Variants in LAMA2 observed in about 807,000 individuals in gnomAD.
LAMA2 encodes laminin subunit alpha 2.
LAMA2 carries 269 observed loss-of-function variants against 364.8 expected under a neutral mutation model. That is an observed-to-expected ratio of 0.74 (90% confidence interval 0.67 to 0.82). The LOEUF is 0.82. LAMA2 is among the 40% of genes least tolerant of loss of function. LAMA2 has a pLI of 0.00. For missense variants in LAMA2, 3,807 were observed against 3,873.2 expected (o/e 0.98, Z 0.45); for synonymous variants, 1,379 against 1,370.6 (o/e 1.01, Z -0.14).
chr6:128,992,303 T>C (rs76861646), intron 1 of LAMA2, among the ~76,000 whole-genome samples: 2,560 of 152,284 alleles, frequency 0.017, 49 homozygotes, highest in African/African-American at 0.049. Context: ...AAAAACCTTA[T>C]TTCATAGCAG....
intron 29 of LAMA2, among the ~76,000 whole-genome samples, chr6:129,341,005 G>A (rs1208613807): frequency 6.6e-6 from 1 of 152,058 alleles, no homozygotes; most frequent in Non-Finnish European, 1.5e-5. Flanking sequence ...AAAATTCACT[G>A]TGGCAATGTC....
chr6:129,349,456 A>G lies in LAMA2; in HGVS notation c.4523+72A>G. On this transcript the variant is annotated intron_variant, in intron 31 of 64. Transcript: ENST00000421865. ...TATGGTAAAGGGTCACAATAGGAAA[A>G]CATTCATTATTTGAAGAACTTCAAT... 9.3e-6 allele frequency: 11 copies of G among 1,188,470 alleles called. No homozygotes were observed. In the South Asian group the frequency reaches 1.2e-4, roughly 13 times the overall value. 73.6% of individuals were successfully genotyped at this position (1,188,470 alleles called of 1,614,324 possible).
At chr6:128,988,289 T>C (rs9482971) in intron 1 of LAMA2, among the ~76,000 whole-genome samples, 144,670 of 152,272 alleles carry the variant, frequency 0.95, 68,824 homozygotes, top group East Asian at 0.97. Flanking sequence ...TAGGATTGTC[T>C]ACTTGATGTT....
At chr6:129,391,063 A>G (rs150817906) in intron 35 of LAMA2, among the ~76,000 whole-genome samples, 157 of 152,322 alleles carry the variant, frequency 1.0e-3, no homozygotes, top group Non-Finnish European at 2.0e-3. Flanking sequence ...AGATCTCATC[A>G]CTGAGTGTAT....
chr6:129,434,132 C>A (rs775412909), intron 41 of LAMA2, among the ~76,000 whole-genome samples: 1 of 152,126 alleles, frequency 6.6e-6, no homozygotes, highest in Non-Finnish European at 1.5e-5. Flanking sequence ...TATTTAGCAT[C>A]ATGTCAGAAA....
At chr6:129,158,896 T>G in intron 8 of LAMA2, 1 of 1,610,068 alleles carries the variant, frequency 6.2e-7, no homozygotes, top group Non-Finnish European at 8.5e-7. Flanking sequence ...TAGTTATGCA[T>G]GTGTTATTAA....
rs1034133545 is a variant in LAMA2, at chr6:129,507,555, C to T, written c.8770C>T (p.Gln2924Ter). 1.2e-6 allele frequency: 2 copies of T among 1,614,042 alleles called. No homozygotes were observed. The highest frequency in any genetic ancestry group is 1.7e-6 in the Non-Finnish European group (2 of 1,179,972). Residue 2924 changes from glutamine to a stop codon, truncating the protein, a stop_gained, in exon 62 of 65, where the codon CAA becomes TAA. Coordinates refer to ENST00000421865, the MANE Select transcript of LAMA2 (RefSeq NM_000426.4). LOFTEE classifies it high-confidence loss of function. ...HMAEAPADLE[Q>*]PTSSFHVGTC... ...GGCAGAGGCCCCTGCCGATCTGGAA[C>T]AACCCACCTCCAGCTTCCATGTTGG... is the stretch of plus-strand genomic sequence containing the variant.
chr6:129,429,745 G>A (rs922561366), intron 41 of LAMA2, among the ~76,000 whole-genome samples: 1 of 152,198 alleles, frequency 6.6e-6, no homozygotes, highest in Admixed American at 6.5e-5. Flanking sequence ...CTGGGAATAG[G>A]GAGGAAGGGA....
intron 40 of LAMA2, among the ~76,000 whole-genome samples, chr6:129,417,131 C>T (rs1780836906): frequency 6.6e-6 from 1 of 152,040 alleles, no homozygotes; most frequent in Admixed American, 6.5e-5. Context: ...GTGTTTCAAC[C>T]CTGTTTGTGT....
intron 40 of LAMA2, among the ~76,000 whole-genome samples, chr6:129,407,292 G>A (rs1037721745): frequency 2.0e-5 from 3 of 151,976 alleles, no homozygotes; most frequent in African/African-American, 7.2e-5. Flanking sequence ...TTGTCAACTT[G>A]AACCCATACA....
At chr6:129,414,784 A>G (rs1312696057) in intron 40 of LAMA2, among the ~76,000 whole-genome samples, 1 of 152,192 alleles carries the variant, frequency 6.6e-6, no homozygotes, top group Non-Finnish European at 1.5e-5. Flanking sequence ...AATTGCAAGC[A>G]ACAATCCCCT....
At chr6:129,310,827 G>A (rs1315105045) in intron 22 of LAMA2, among the ~76,000 whole-genome samples, 1 of 152,152 alleles carries the variant, frequency 6.6e-6, no homozygotes, top group Non-Finnish European at 1.5e-5. Flanking sequence ...AATCTTTCAA[G>A]AGGGCGTTGC....
chr6:129,220,483 G>A (rs1583278922), intron 12 of LAMA2, among the ~76,000 whole-genome samples: 1 of 152,144 alleles, frequency 6.6e-6, no homozygotes, highest in African/African-American at 2.4e-5. Context: ...TATTCAGAAA[G>A]TTTCTATCAG....
At chr6:129,061,224 G>T (rs1440150753) in intron 3 of LAMA2, among the ~76,000 whole-genome samples, 1 of 152,180 alleles carries the variant, frequency 6.6e-6, no homozygotes, top group Non-Finnish European at 1.5e-5. Context: ...ATCATTGAAA[G>T]TCTAGTCTCC....
At chr6:129,419,241 A>G (rs995839808) in intron 40 of LAMA2, among the ~76,000 whole-genome samples, 1 of 152,164 alleles carries the variant, frequency 6.6e-6, no homozygotes, top group East Asian at 1.9e-4. Context: ...ACAATGCCAC[A>G]ATGCAATCTA....
intron 27 of LAMA2, among the ~76,000 whole-genome samples, chr6:129,320,297 T>C (rs1774882586): frequency 6.6e-6 from 1 of 152,166 alleles, no homozygotes; most frequent in Admixed American, 6.5e-5. Context: ...TTGGTCCTGC[T>C]ATCTCTGGGT....
chr6:128,958,037 A>G (rs1478829844), intron 1 of LAMA2, among the ~76,000 whole-genome samples: 2 of 151,846 alleles, frequency 1.3e-5, no homozygotes, highest in Non-Finnish European at 2.9e-5. Context: ...TTTCTAATCC[A>G]TTTATTGCTC....
At position 129,486,558 on chromosome 6, in the gene LAMA2, A is replaced by T; in HGVS notation, c.7834A>T (p.Arg2612Ter). 1 of 1,614,040 alleles carries T rather than the reference A, an allele frequency of 6.2e-7. No homozygotes were observed. Among genetic ancestry groups the T allele is most frequent in the Non-Finnish European group, 8.5e-7 (1 of 1,179,918 alleles). The change falls in exon 56 of 65, where the codon AGA becomes TGA. Residue 2612 changes from arginine (R) to a stop codon, truncating the protein, a stop_gained. Transcript: ENST00000421865. LOFTEE classifies it high-confidence loss of function. ...ACGAACAATGAGGAAAATTGTGATC[A>T]GACCAGAGCCGAATCTGTTTCATGA... The part of the protein sequence containing the change: ...GARTMRKIVI[R>*]PEPNLFHDGR...
At chr6:128,944,655 A>C (rs1360783082) in intron 1 of LAMA2, among the ~76,000 whole-genome samples, 1 of 151,714 alleles carries the variant, frequency 6.6e-6, no homozygotes, top group Non-Finnish European at 1.5e-5. Flanking sequence ...AAAAAAAAGA[A>C]GAAAGAAAGA....
Sources: gnomAD v4.1 joint callset for allele counts (sites outside exome capture counted in the v4.1 genomes callset) on GRCh38, gnomAD v4.1.1 for gene constraint, MANE v1.5 for transcripts, NCBI Gene and HGNC (gene_info 2026-07-23, HGNC 2026-07-21) for gene names.